The following ARHGAP31 variants were observed in gnomAD, a reference collection of about 807,000 sequenced individuals.
The protein encoded by ARHGAP31 is rho GTPase-activating protein 31.
A neutral mutation model predicts 113.9 loss-of-function variants in ARHGAP31; 34 were observed. That is an observed-to-expected ratio of 0.30 (90% CI 0.23 to 0.40). The LOEUF (loss-of-function observed/expected upper bound fraction) is 0.40, where lower values mean the gene tolerates loss of function less well. Among genes scored for constraint, ARHGAP31 ranks in the 10% least tolerant of loss-of-function variants. ARHGAP31 has a pLI of 1.00. For synonymous variants in ARHGAP31, 650 were observed against 684.8 expected, an observed-to-expected ratio of 0.95 and a Z score of 0.79; for missense variants, 1,548 against 1,767.1, an observed-to-expected ratio of 0.88 and a Z score of 2.22.
rs59713622 is a variant in ARHGAP31 at position 119,394,690 on chromosome 3, C to T, written c.1006+1099C>T. On this transcript the variant is annotated intron_variant, in intron 8 of 11. Transcript: ENST00000264245. ...AAAGAGCTGACCGAGCACAGTGGTT[C>T]GTGCCTGTAATCCCAACACTTTGGG... Among the ~76,000 whole-genome samples, 410 of 152,146 alleles carry T rather than the reference C, an allele frequency of 2.7e-3. 3 individuals are homozygous for T. The highest frequency in any genetic ancestry group is 9.5e-3 in the African/African-American group (395 of 41,504).
At chr3:119,339,007 A>G (rs1388549140) in intron 1 of ARHGAP31, among the ~76,000 whole-genome samples, 1 of 152,372 alleles carries the variant, frequency 6.6e-6, no homozygotes, top group African/African-American at 2.4e-5. Context: ...GTTCAGAGTC[A>G]TGAATTACTT....
chr3:119,325,002 T>C (rs1187686653), intron 1 of ARHGAP31: 3 of 456,192 alleles, frequency 6.6e-6, no homozygotes, highest in African/African-American at 6.0e-5. Context: ...TGGCATAGTG[T>C]GGACTTATAT....
intron 10 of ARHGAP31, among the ~76,000 whole-genome samples, 180 bp downstream of exon 10, chr3:119,402,577 T>C (rs1449124324): frequency 6.6e-6 from 1 of 152,256 alleles, no homozygotes; most frequent in African/African-American, 2.4e-5. Flanking sequence ...ATGTAACCAC[T>C]CTGTGCCTCG....
intron 1 of ARHGAP31, among the ~76,000 whole-genome samples, chr3:119,324,522 T>A (rs934501206): frequency 2.6e-5 from 4 of 152,246 alleles, no homozygotes; most frequent in Non-Finnish European, 4.4e-5. Context: ...TCTTTTAAAC[T>A]TGATCTGTGA....
chr3:119,316,824 A>C (rs996984347), intron 1 of ARHGAP31, among the ~76,000 whole-genome samples: 1 of 152,198 alleles, frequency 6.6e-6, no homozygotes, highest in African/African-American at 2.4e-5. Flanking sequence ...ATTTATCTGA[A>C]CAAAGCACTT....
At chr3:119,337,736 T>C (rs537177089) in intron 1 of ARHGAP31, among the ~76,000 whole-genome samples, 38 of 152,288 alleles carry the variant, frequency 2.5e-4, no homozygotes, top group African/African-American at 7.2e-4. Context: ...GCATTTACAG[T>C]CCTTTAGCTA....
chr3:119,418,909 A>C lies in ARHGAP31; in HGVS notation c.*2645A>C, dbSNP rs2080800958. On this transcript the variant is annotated 3_prime_UTR_variant, in exon 12 of 12. Coordinates refer to ENST00000264245, the MANE Select transcript of ARHGAP31 (RefSeq NM_020754.4). ...CACTTTGACTCTCACCCAGCCTGCC[A>C]GCCATCACAAAGGCTTTCATAAACT... is the stretch of plus-strand genomic sequence containing the variant. The C allele has an allele frequency of 6.6e-6, 1 of 152,256 alleles. No homozygotes were observed. Among genetic ancestry groups the C allele is most frequent in the Non-Finnish European group, 1.5e-5 (1 of 68,072 alleles). The allele number at this position is 152,256 out of a possible 1,614,324, so 9.4% of individuals were successfully genotyped here. A position where few individuals can be genotyped will look rare whatever the true frequency, so the allele number is the denominator to read the frequency against.
chr3:119,308,910 G>A (rs1295357509), intron 1 of ARHGAP31, among the ~76,000 whole-genome samples: 1 of 151,998 alleles, frequency 6.6e-6, no homozygotes, highest in Non-Finnish European at 1.5e-5. Context: ...GTACAATCTT[G>A]GCTCACTGCA....
At chr3:119,395,342 A>T (rs2107637526) in intron 8 of ARHGAP31, among the ~76,000 whole-genome samples, 1 of 152,284 alleles carries the variant, frequency 6.6e-6, no homozygotes, top group South Asian at 2.1e-4. Context: ...GCAGTGAGGG[A>T]ATTTACTGGC....
At chr3:119,341,493 A>G (rs1045494012) in intron 1 of ARHGAP31, among the ~76,000 whole-genome samples, 8 of 152,214 alleles carry the variant, frequency 5.3e-5, no homozygotes, top group Non-Finnish European at 1.2e-4. Flanking sequence ...CTAAGGCACC[A>G]AGAGGTTAAG....
intron 10 of ARHGAP31, among the ~76,000 whole-genome samples, chr3:119,403,462 G>T (rs924514185): frequency 7.2e-5 from 11 of 152,286 alleles, no homozygotes; most frequent in African/African-American, 2.6e-4. Flanking sequence ...TTAAAAGATT[G>T]TTAAGACATG....
chr3:119,295,139 T>A, intron 1 of ARHGAP31, 135 bp downstream of exon 1: 1 of 794,688 alleles, frequency 1.3e-6, no homozygotes, highest in Non-Finnish European at 2.0e-6. Context: ...CACTTTTTTT[T>A]CTTTTTTTTT....
At chr3:119,353,044 A>C (rs1445667023) in intron 1 of ARHGAP31, among the ~76,000 whole-genome samples, 1 of 152,214 alleles carries the variant, frequency 6.6e-6, no homozygotes, top group Non-Finnish European at 1.5e-5. Context: ...CATGTATTGT[A>C]ATGTATATTG....
At position 119,383,216 on chromosome 3, in the gene ARHGAP31, G is replaced by A. The variant is rs769060777; in HGVS notation, c.672G>A (p.Leu224=). The A allele has an allele frequency of 6.2e-7, 1 of 1,614,152 alleles. No homozygotes were observed. Among genetic ancestry groups the A allele is most frequent in the Non-Finnish European group, 8.5e-7 (1 of 1,180,024 alleles). The change falls in exon 6 of 12, where the codon CTG becomes CTA. Residue 224 remains leucine (L), a synonymous_variant. Coordinates refer to ENST00000264245, the MANE Select transcript of ARHGAP31 (RefSeq NM_020754.4). ...QIFNNGAPGS[L]ENDENRPIMK... is the part of the protein sequence containing the mutation. ...TTAACAACGGTGCACCTGGGTCTCT[G>A]GAGAATGATGGTAAGGACTCCTCCT...
chr3:119,361,528 C>T (rs1462172986), intron 1 of ARHGAP31, among the ~76,000 whole-genome samples: 1 of 152,038 alleles, frequency 6.6e-6, no homozygotes, highest in Non-Finnish European at 1.5e-5. Context: ...AGTACAGGCA[C>T]CCGCCACCAC....
At chr3:119,312,892 T>C (rs1234080170) in intron 1 of ARHGAP31, among the ~76,000 whole-genome samples, 1 of 152,200 alleles carries the variant, frequency 6.6e-6, no homozygotes, top group Non-Finnish European at 1.5e-5. Context: ...GCAGTTACAC[T>C]GGATAGCACA....
intron 1 of ARHGAP31, among the ~76,000 whole-genome samples, chr3:119,323,135 C>A (rs1367902943): frequency 2.0e-5 from 3 of 152,220 alleles, no homozygotes; most frequent in African/African-American, 7.2e-5. Flanking sequence ...GTTTCTGATC[C>A]CCTTTCGGCG....
At chr3:119,382,549 T>C in intron 5 of ARHGAP31, 150 bp downstream of exon 5, 2 of 743,894 alleles carry the variant, frequency 2.7e-6, no homozygotes, top group Non-Finnish European at 4.4e-6. Flanking sequence ...TTAAAGGTGA[T>C]TTAGGTGATA....
intron 6 of ARHGAP31, among the ~76,000 whole-genome samples, chr3:119,388,423 G>A (rs897203467): frequency 7.2e-5 from 11 of 151,958 alleles, no homozygotes; most frequent in African/African-American, 2.4e-4. Flanking sequence ...TAGGTCATGC[G>A]AAGAGACGGG....
Sources: gnomAD v4.1 joint callset for allele counts (sites outside exome capture counted in the v4.1 genomes callset) on GRCh38, gnomAD v4.1.1 for gene constraint, MANE v1.5 for transcripts, NCBI Gene and HGNC (gene_info 2026-07-23, HGNC 2026-07-21) for gene names.